Variants in ZSWIM2 observed in about 807,000 individuals in gnomAD.
The protein encoded by ZSWIM2 is zinc finger SWIM-type containing 2, also known as E3 ubiquitin-protein ligase ZSWIM2.
A neutral mutation model predicts 48.4 loss-of-function variants in ZSWIM2; 38 were observed. The observed-to-expected ratio is 0.79, with a 90% confidence interval of 0.61 to 1.03. The LOEUF is 1.03. Among genes scored for constraint, ZSWIM2 ranks in the 50% least tolerant of loss-of-function variants. The pLI is 0.00. For missense variants in ZSWIM2, 776 were observed against 730.2 expected (o/e 1.06, Z -0.72); for synonymous variants, 240 against 251.3 (o/e 0.96, Z 0.42).
intron 2 of ZSWIM2, among the ~76,000 whole-genome samples, chr2:186,847,062 C>T (rs1392686911): frequency 6.7e-6 from 1 of 148,362 alleles, no homozygotes; most frequent in African/African-American, 2.6e-5. Flanking sequence ...TGAAAAATCA[C>T]TTATTGGGTA....
At chr2:186,845,606 C>A (rs1010505977) in intron 2 of ZSWIM2, among the ~76,000 whole-genome samples, 19 of 151,286 alleles carry the variant, frequency 1.3e-4, no homozygotes, top group Middle Eastern at 3.3e-3. Context: ...GAAAGTAAGT[C>A]ATAATCTTTT....
intron 2 of ZSWIM2, among the ~76,000 whole-genome samples, 166 bp downstream of exon 2, chr2:186,847,553 A>C (rs539475767): frequency 6.6e-6 from 1 of 152,284 alleles, no homozygotes; most frequent in African/African-American, 2.4e-5. Context: ...TCAGAATAAA[A>C]TGAAATACTG....
chr2:186,832,562 G>A (rs1376740532), intron 7 of ZSWIM2, among the ~76,000 whole-genome samples: 1 of 152,070 alleles, frequency 6.6e-6, no homozygotes, highest in Non-Finnish European at 1.5e-5. Flanking sequence ...GGTAGAGAGA[G>A]GGGGAATGAA....
chr2:186,847,136 G>A (rs1692018980), intron 2 of ZSWIM2, among the ~76,000 whole-genome samples: 1 of 151,864 alleles, frequency 6.6e-6, no homozygotes, highest in African/African-American at 2.4e-5. Flanking sequence ...TGCAATATAT[G>A]CATGTAAGAA....
chr2:186,837,698 A>C (rs1691823644), intron 4 of ZSWIM2, 144 bp from the exon 5 acceptor site: 1 of 238,942 alleles, frequency 4.2e-6, no homozygotes, highest in Non-Finnish European at 7.0e-6. Flanking sequence ...ATAGATTCTG[A>C]ACTGATTTTC....
chr2:186,829,631 C>A, intron 8 of ZSWIM2, 96 bp downstream of exon 8: 1 of 1,305,742 alleles, frequency 7.7e-7, no homozygotes, highest in Non-Finnish European at 1.1e-6. Flanking sequence ...CTGTACAGAG[C>A]ACAACTCAAA....
At chr2:186,834,564 C>G (rs1176943177) in intron 5 of ZSWIM2, among the ~76,000 whole-genome samples, 1 of 152,052 alleles carries the variant, frequency 6.6e-6, no homozygotes, top group Admixed American at 6.6e-5. Context: ...AATCTAATGC[C>G]TGATGATCTG....
chr2:186,829,156 CAAAT>C (rs1311384698), intron 8 of ZSWIM2, among the ~76,000 whole-genome samples: 1 of 151,922 alleles, frequency 6.6e-6, no homozygotes, highest in Non-Finnish European at 1.5e-5. Context: ...TATAAAATAA[CAAAT>C]TAAGTTTTTG....
chr2:186,840,299 T>A (rs1397758192), intron 3 of ZSWIM2, among the ~76,000 whole-genome samples: 1 of 151,698 alleles, frequency 6.6e-6, no homozygotes, highest in Non-Finnish European at 1.5e-5. Flanking sequence ...GCAGAAATAC[T>A]GAAGAATAAA....
At position 186,846,806 on chromosome 2, in the gene ZSWIM2, C is replaced by CATATATATATATAT. The variant is rs1388154833; in HGVS notation, c.242+912_242+913insATATATATATATAT. ...ATAAACATATATATATACACACACA[C>CATATATATATATAT]ACACATATATATATATATATAATGT... On this transcript the variant is annotated intron_variant, in intron 2 of 8. Coordinates refer to ENST00000295131, the MANE Select transcript of ZSWIM2 (RefSeq NM_182521.3). Among the ~76,000 whole-genome samples the CATATATATATATAT allele has an allele frequency of 4.6e-4, 20 of 43,300 alleles. 1 individual carries two copies. The highest frequency in any genetic ancestry group is 1.6e-3 in the African/African-American group (18 of 11,244). 28.4% of individuals were successfully genotyped at this position (43,300 alleles called of 152,430 possible).
In ZSWIM2 at chr2:186,848,951, A is replaced by T; in HGVS notation, c.165+15T>A. 5 of 1,613,566 alleles carry T rather than the reference A, an allele frequency of 3.1e-6. No individual in the cohort carries two copies. The highest frequency in any genetic ancestry group is 1.3e-5 in the African/African-American group (1 of 74,996). On this transcript the variant is annotated intron_variant, in intron 1 of 8. Coordinates refer to ENST00000295131, the MANE Select transcript of ZSWIM2 (RefSeq NM_182521.3). ...GGGATGATGGCCAACTGGGGGCGGT[A>T]GGGGCGGTAGTTACTCGGAAATCCA...
chr2:186,837,370 C>T lies in ZSWIM2; in HGVS notation c.679G>A (p.Asp227Asn), dbSNP rs1251993164. 1.9e-6 allele frequency: 3 copies of T among 1,613,006 alleles called. No homozygotes were observed. The highest frequency in any genetic ancestry group is 1.7e-6 in the Non-Finnish European group (2 of 1,179,340). The stretch of plus-strand genomic sequence containing the variant: ...TTACAGGGAATCCCAAGGTGTTTGT[C>T]CAGTCTCTCTTTTTCTGCTGCAGCT... The part of the protein sequence containing the change: ...LVAAAEKERL[D>N]KHLGIPCNNC... The change falls in exon 5 of 9, where the codon GAC (aspartate) becomes AAC (asparagine). Residue 227 changes from aspartate to asparagine, a missense_variant. Physicochemically the swap from Asp to Asn is conservative, Grantham distance 23 (BLOSUM62 1). Transcript: ENST00000295131.
chr2:186,831,454 T>C (rs1038057647), intron 7 of ZSWIM2, among the ~76,000 whole-genome samples: 4 of 151,888 alleles, frequency 2.6e-5, no homozygotes, highest in Admixed American at 6.6e-5. Flanking sequence ...GTTGATTCAC[T>C]GAAATTATTA....
chr2:186,846,827 A>ATATATATATATATAT (rs57335605), intron 2 of ZSWIM2, among the ~76,000 whole-genome samples: 13 of 142,454 alleles, frequency 9.1e-5, no homozygotes, highest in African/African-American at 2.6e-4. Flanking sequence ...ATATATATAT[A>ATATATATATATATAT]ATGTAATAGA....
At chr2:186,835,661 C>T (rs1423337947) in intron 5 of ZSWIM2, among the ~76,000 whole-genome samples, 1 of 152,100 alleles carries the variant, frequency 6.6e-6, no homozygotes, top group Non-Finnish European at 1.5e-5. Context: ...TTCTGAAATT[C>T]TGATGAAGAA....
chr2:186,838,908 T>C (rs1396588488), intron 4 of ZSWIM2, 51 bp downstream of exon 4: 3 of 1,522,610 alleles, frequency 2.0e-6, no homozygotes, highest in Non-Finnish European at 2.7e-6. Flanking sequence ...ATCAGAAATA[T>C]GTTTTAGAAT....
chr2:186,847,523 A>T (rs1692027628), intron 2 of ZSWIM2, among the ~76,000 whole-genome samples, 196 bp downstream of exon 2: 1 of 152,154 alleles, frequency 6.6e-6, no homozygotes, highest in African/African-American at 2.4e-5. Context: ...ATGGTTCTCA[A>T]TTTAAATGTT....
At chr2:186,833,857 T>C (rs1237529824) in intron 6 of ZSWIM2, 89 bp downstream of exon 6, 1 of 1,034,082 alleles carries the variant, frequency 9.7e-7, no homozygotes, top group East Asian at 2.4e-5. Flanking sequence ...TGTTCCACAG[T>C]GTTATGTATT....
At position 186,828,713 on chromosome 2, in the gene ZSWIM2, G is replaced by T. The variant is rs571618049; in HGVS notation, c.1173C>A (p.Asn391Lys). The part of the protein sequence containing the change: ...SCPIDGQVIY[N>K]PLTWKNSAVN... ...CTGCTGAATTTTTCCAAGTTAAAGG[G>T]TTATATATAACTTGTCCATCAATAG... The change falls in exon 9 of 9, where the codon AAC (asparagine) becomes AAA (lysine). Residue 391 changes from asparagine to lysine, a missense_variant. Asn to Lys is a moderately conservative substitution (Grantham distance 94). Coordinates refer to ENST00000295131, the MANE Select transcript of ZSWIM2 (RefSeq NM_182521.3). 1 of 1,612,034 alleles carries T rather than the reference G, an allele frequency of 6.2e-7. No homozygotes were observed. The highest frequency in any genetic ancestry group is 2.2e-5 in the East Asian group (1 of 44,752).
Sources: gnomAD v4.1 joint callset for allele counts (sites outside exome capture counted in the v4.1 genomes callset) on GRCh38, gnomAD v4.1.1 for gene constraint, MANE v1.5 for transcripts, NCBI Gene and HGNC (gene_info 2026-07-23, HGNC 2026-07-21) for gene names.